OLIG2: variants seen among roughly 807,000 people sequenced by gnomAD.
OLIG2 encodes the protein oligodendrocyte transcription factor 2, also known as basic domain, helix-loop-helix protein, class B, 1.
OLIG2 carries 12 observed loss-of-function variants against 13.4 expected under a neutral mutation model. The ratio of observed to expected loss-of-function variants is 0.90; its 90% CI spans 0.58 to 1.46. OLIG2 has a LOEUF of 1.46. OLIG2 is among the 40% of genes most tolerant of loss of function. The pLI is 0.00. For missense variants in OLIG2, 415 were observed against 487.9 expected (o/e 0.85, Z 1.41); for synonymous variants, 250 against 233.6 (o/e 1.07, Z -0.64).
At position 33,028,011 on chromosome 21, in the gene OLIG2, A is replaced by G. The variant is rs1981170278; in HGVS notation, c.*177A>G. 4 of 627,458 alleles carry G rather than the reference A, an allele frequency of 6.4e-6. No homozygotes were observed. The highest frequency in any genetic ancestry group is 8.7e-5 in the Admixed American group (2 of 23,056). 38.9% of individuals were successfully genotyped at this position (627,458 alleles called of 1,614,324 possible). A position where few individuals can be genotyped will look rare whatever the true frequency, so the allele number is the denominator to read the frequency against. ...GAACCCAAGCAATGGGGGCGCCCAC[A>G]GAGCAGTGGGGAGTGAGGGGATGTT... On this transcript the variant is annotated 3_prime_UTR_variant, in exon 2 of 2. Transcript: ENST00000382357.
chr21:33,027,046 G>A lies in OLIG2; in HGVS notation c.184G>A (p.Ala62Thr). Residue 62 changes from alanine to threonine, a missense_variant, in exon 2 of 2, where the codon GCG becomes ACG. Physicochemically the swap from Ala to Thr is moderately conservative, Grantham distance 58. Coordinates refer to ENST00000382357, the MANE Select transcript of OLIG2 (RefSeq NM_005806.4). ...SAELRGAMGS[A>T]GAHPGDKLGG... ...CGAGCTGCGCGGCGCTATGGGCTCT[G>A]CGGGCGCGCATCCTGGGGACAAGCT... The A allele has an allele frequency of 6.2e-7, 1 of 1,611,828 alleles. No homozygotes were observed. The highest frequency in any genetic ancestry group is 1.3e-5 in the African/African-American group (1 of 75,014).
chr21:33,026,908 G>C lies in OLIG2; in HGVS notation c.46G>C (p.Glu16Gln), dbSNP rs1981098448. 1 of 1,611,790 alleles carries C rather than the reference G, an allele frequency of 6.2e-7. No homozygotes were observed. Among genetic ancestry groups the C allele is most frequent in the Non-Finnish European group, 8.5e-7 (1 of 1,179,998 alleles). ...GGTGTCCAGCCGCCCGTCGTCGCCAGAGCCCGATGACCTTTTTCTGCCGGC... is the reference window on the plus strand; with the variant it reads ...GGTGTCCAGCCGCCCGTCGTCGCCACAGCCCGATGACCTTTTTCTGCCGGC... Reference protein sequence around the residue: ...SLVSSRPSSPEPDDLFLPARS... With the variant: ...SLVSSRPSSPQPDDLFLPARS... The change falls in exon 2 of 2, where the codon GAG (glutamate) becomes CAG (glutamine). Residue 16 changes from glutamate (E) to glutamine (Q), a missense_variant. Physicochemically the swap from Glu to Gln is conservative, Grantham distance 29. This residue lies in a region of OLIG2 where 122 missense variants were observed against 126.8 expected (regional missense o/e 0.96). Coordinates refer to ENST00000382357, the MANE Select transcript of OLIG2 (RefSeq NM_005806.4). The surrounding 1 kb of genome is among the most constrained non-coding windows in gnomAD (Gnocchi z 6.6).
At position 33,028,251 on chromosome 21, in the gene OLIG2, G is replaced by T. The variant is rs1601714042; in HGVS notation, c.*417G>T. ...GCAGCACTTCGGGGGGGGAGGGGGTGTTATGGGAGGGGGACACATTGGGGC... is the reference window on the plus strand; with the variant it reads ...GCAGCACTTCGGGGGGGGAGGGGGTTTTATGGGAGGGGGACACATTGGGGC... On this transcript the variant is annotated 3_prime_UTR_variant, in exon 2 of 2. Coordinates refer to ENST00000382357, the MANE Select transcript of OLIG2 (RefSeq NM_005806.4). 4.1e-6 allele frequency: 1 copy of T among 245,724 alleles called. No homozygotes were observed. Among genetic ancestry groups the T allele is most frequent in the African/African-American group, 2.2e-5 (1 of 45,550 alleles). The allele number at this position is 245,724 out of a possible 1,614,324, so 15.2% of individuals were successfully genotyped here.
chr21:33,028,345 C>T lies in OLIG2; in HGVS notation c.*511C>T. The T allele has an allele frequency of 4.1e-6, 1 of 243,850 alleles. No homozygotes were observed. 15.1% of individuals were successfully genotyped at this position (243,850 alleles called of 1,614,324 possible). On this transcript the variant is annotated 3_prime_UTR_variant, in exon 2 of 2. Coordinates refer to ENST00000382357, the MANE Select transcript of OLIG2 (RefSeq NM_005806.4). Reference sequence around the variant, plus strand: ...TAGCCGCACTGCAGAAGCAACAGCCCGACCGCGCCCTCCAGGGTCGTCCCT... The same window carrying T: ...TAGCCGCACTGCAGAAGCAACAGCCTGACCGCGCCCTCCAGGGTCGTCCCT...
Position 33,026,978 on chromosome 21 carries a change from T to C in OLIG2, c.116T>C (p.Val39Ala), listed in dbSNP as rs1176869298. ...GGCAGCGCCTTCACTGGGGGCACCG[T>C]GTCCTCGTCCACCCCGAGTGACTGC... ...SSGSAFTGGT[V>A]SSSTPSDCPP... The change falls in exon 2 of 2, where the codon GTG becomes GCG. Residue 39 changes from valine to alanine, a missense_variant. Physicochemically the swap from Val to Ala is moderately conservative, Grantham distance 64. Coordinates refer to ENST00000382357, the MANE Select transcript of OLIG2 (RefSeq NM_005806.4). This position sits in a 1 kb window ranked among gnomAD's most constrained non-coding sequence, Gnocchi z 6.6. 1 of 1,612,354 alleles carries C rather than the reference T, an allele frequency of 6.2e-7. No individual in the cohort carries two copies. Among genetic ancestry groups the C allele is most frequent in the Non-Finnish European group, 8.5e-7 (1 of 1,179,718 alleles).
Position 33,027,704 on chromosome 21 carries a change from C to T in OLIG2, c.842C>T (p.Ala281Val). Residue 281 changes from alanine to valine, a missense_variant, in exon 2 of 2, where the codon GCG (alanine) becomes GTG (valine). Coordinates refer to ENST00000382357, the MANE Select transcript of OLIG2 (RefSeq NM_005806.4). ...PLGGGGGGSG[A>V]SGGFQHWGGM... ...GGGGGCGGGGGCGGCGGCAGTGGGG[C>T]GAGCGGGGGCTTCCAGCACTGGGGC... The T allele has an allele frequency of 2.2e-6, 3 of 1,366,812 alleles. No individual in the cohort carries two copies. Among genetic ancestry groups the T allele is most frequent in the Non-Finnish European group, 2.8e-6 (3 of 1,068,646 alleles). 84.7% of individuals were successfully genotyped at this position (1,366,812 alleles called of 1,614,324 possible).
Position 33,027,968 on chromosome 21 carries a change from G to A in OLIG2, c.*134G>A. ...CCATGGACTGGGGGTGGGGCATGGTGGGGATTCCAGCATCTGCGAACCCAA... is the reference window on the plus strand; with the variant it reads ...CCATGGACTGGGGGTGGGGCATGGTAGGGATTCCAGCATCTGCGAACCCAA... On this transcript the variant is annotated 3_prime_UTR_variant, in exon 2 of 2. Coordinates refer to ENST00000382357, the MANE Select transcript of OLIG2 (RefSeq NM_005806.4). 2 of 1,026,862 alleles carry A rather than the reference G, an allele frequency of 1.9e-6. No individual in the cohort carries two copies. Among genetic ancestry groups the A allele is most frequent in the Middle Eastern group, 3.4e-4 (1 of 2,946 alleles). The allele number at this position is 1,026,862 out of a possible 1,614,324, so 63.6% of individuals were successfully genotyped here.
Position 33,028,702 on chromosome 21 carries a change from C to T in OLIG2, c.*868C>T, listed in dbSNP as rs962224462. 9 of 241,178 alleles carry T rather than the reference C, an allele frequency of 3.7e-5. No individual in the cohort carries two copies. Among genetic ancestry groups the T allele is most frequent in the African/African-American group, 2.0e-4 (9 of 44,924 alleles). The allele number at this position is 241,178 out of a possible 1,614,324, so 14.9% of individuals were successfully genotyped here. On this transcript the variant is annotated 3_prime_UTR_variant, in exon 2 of 2. Transcript: ENST00000382357. ...ACCGACTCATCTTTCCTTCTCTAAG[C>T]ACAAAGTGATTTGGTTATTTTGGTA...
rs1981063159 is a variant in OLIG2 at position 33,026,115 on chromosome 21, A to G, written c.-63+89A>G. 1.3e-5 allele frequency: 2 copies of G among 152,396 alleles called. No homozygotes were observed. Among genetic ancestry groups the G allele is most frequent in the Non-Finnish European group, 2.9e-5 (2 of 68,220 alleles). 9.4% of individuals were successfully genotyped at this position (152,396 alleles called of 1,614,324 possible). ...GCTGTGACCCAGAATGCTCCGATAC[A>G]GGGGGTCTGGATCCCTACTCTGCGG... On this transcript the variant is annotated intron_variant, in intron 1 of 1. Coordinates refer to ENST00000382357, the MANE Select transcript of OLIG2 (RefSeq NM_005806.4). This position sits in a 1 kb window ranked among gnomAD's most constrained non-coding sequence, Gnocchi z 6.6.
In OLIG2 at chr21:33,026,701, G is replaced by GCAGGCGGGAGCAGCTTTTCTGTCTCT; in HGVS notation, c.-62-97_-62-72dup. ...GGACCCCGCGCTGTGGTACTGCGGT[G>GCAGGCGGGAGCAGCTTTTCTGTCTCT]CAGGCGGGAGCAGCTTTTCTGTCTC... On this transcript the variant is annotated intron_variant, in intron 1 of 1. Transcript: ENST00000382357. This position sits in a 1 kb window ranked among gnomAD's most constrained non-coding sequence, Gnocchi z 6.6. The GCAGGCGGGAGCAGCTTTTCTGTCTCT allele has an allele frequency of 1.1e-6, 1 of 890,524 alleles. No homozygotes were observed. Among genetic ancestry groups the GCAGGCGGGAGCAGCTTTTCTGTCTCT allele is most frequent in the Non-Finnish European group, 1.7e-6 (1 of 599,680 alleles). 55.2% of individuals were successfully genotyped at this position (890,524 alleles called of 1,614,324 possible). A position where few individuals can be genotyped will look rare whatever the true frequency, so the allele number is the denominator to read the frequency against.
At position 33,026,787 on chromosome 21, in the gene OLIG2, T is replaced by C; in HGVS notation, c.-62-14T>C. The C allele has an allele frequency of 6.5e-7, 1 of 1,532,270 alleles. No homozygotes were observed. Among genetic ancestry groups the C allele is most frequent in the Non-Finnish European group, 8.8e-7 (1 of 1,131,128 alleles). The allele number at this position is 1,532,270 out of a possible 1,614,324, so 94.9% of individuals were successfully genotyped here. A position where few individuals can be genotyped will look rare whatever the true frequency, so the allele number is the denominator to read the frequency against. On this transcript the variant is annotated splice_polypyrimidine_tract_variant and intron_variant, in intron 1 of 1. Coordinates refer to ENST00000382357, the MANE Select transcript of OLIG2 (RefSeq NM_005806.4). This position sits in a 1 kb window ranked among gnomAD's most constrained non-coding sequence, Gnocchi z 6.6. ...CTCTCTCATTCTCTCTCTTTTCTCC[T>C]CCTCTCCTGGAAGTTTTCGGGTCCG...
rs966205996 is a variant in OLIG2, at chr21:33,027,768, G to T, written c.906G>T (p.Pro302=). 3.5e-6 allele frequency: 5 copies of T among 1,417,976 alleles called. No homozygotes were observed. The Middle Eastern group carries it at 7.5e-4, about 213-fold the overall frequency. 87.8% of individuals were successfully genotyped at this position (1,417,976 alleles called of 1,614,324 possible). ...PCPCSMCQVP[P]PHHHVSAMGA... Reference sequence around the variant, plus strand: ...CCTGCAGCATGTGCCAGGTGCCGCCGCCGCACCACCACGTGTCGGCTATGG... The same window carrying T: ...CCTGCAGCATGTGCCAGGTGCCGCCTCCGCACCACCACGTGTCGGCTATGG... The change falls in exon 2 of 2, where the codon CCG becomes CCT. Residue 302 remains proline, a synonymous_variant. Coordinates refer to ENST00000382357, the MANE Select transcript of OLIG2 (RefSeq NM_005806.4).
Position 33,027,769 on chromosome 21 carries a change from C to G in OLIG2, c.907C>G (p.Pro303Ala). 3 of 1,420,078 alleles carry G rather than the reference C, an allele frequency of 2.1e-6. No homozygotes were observed. Among genetic ancestry groups the G allele is most frequent in the Non-Finnish European group, 2.7e-6 (3 of 1,092,698 alleles). The allele number at this position is 1,420,078 out of a possible 1,614,324, so 88.0% of individuals were successfully genotyped here. ...CTGCAGCATGTGCCAGGTGCCGCCG[C>G]CGCACCACCACGTGTCGGCTATGGG... Reference protein sequence around the residue: ...CPCSMCQVPPPHHHVSAMGAG... With the variant: ...CPCSMCQVPPAHHHVSAMGAG... The change falls in exon 2 of 2, where the codon CCG (proline) becomes GCG (alanine). Residue 303 changes from proline to alanine, a missense_variant. Transcript: ENST00000382357.
At position 33,026,861 on chromosome 21, in the gene OLIG2, C is replaced by A; in HGVS notation, c.-2C>A. On this transcript the variant is annotated 5_prime_UTR_variant, in exon 2 of 2. Coordinates refer to ENST00000382357, the MANE Select transcript of OLIG2 (RefSeq NM_005806.4). This position sits in a 1 kb window ranked among gnomAD's most constrained non-coding sequence, Gnocchi z 6.6. ...CTGCGACGACTATCTTCCCCTGGGG[C>A]CATGGACTCGGACGCCAGCCTGGTG... The A allele has an allele frequency of 6.2e-7, 1 of 1,608,842 alleles. No individual in the cohort carries two copies.
At position 33,027,434 on chromosome 21, in the gene OLIG2, G is replaced by T. The variant is rs1381086517; in HGVS notation, c.572G>T (p.Gly191Val). The change falls in exon 2 of 2, where the codon GGC becomes GTC. Residue 191 changes from glycine (G) to valine (V), a missense_variant. Physicochemically the swap from Gly to Val is moderately radical, Grantham distance 109 (BLOSUM62 -3). Around this residue, in one of 3 missense-constraint regions of OLIG2, gnomAD observed 243 missense variants for 241.2 expected, o/e 1.01. Coordinates refer to ENST00000382357, the MANE Select transcript of OLIG2 (RefSeq NM_005806.4). ...HAGFHPSACG[G>V]LAHSAPLPAA... ...GGCTTCCACCCGTCGGCCTGCGGCG[G>T]CCTGGCGCACTCCGCGCCCCTGCCC... 6.5e-7 allele frequency: 1 copy of T among 1,537,594 alleles called. No individual in the cohort carries two copies.
Position 33,027,052 on chromosome 21 carries a change from G to A in OLIG2, c.190G>A (p.Ala64Thr). 6 of 1,611,798 alleles carry A rather than the reference G, an allele frequency of 3.7e-6. No homozygotes were observed. Among genetic ancestry groups the A allele is most frequent in the Non-Finnish European group, 5.1e-6 (6 of 1,179,054 alleles). The stretch of plus-strand genomic sequence containing the variant: ...GCGCGGCGCTATGGGCTCTGCGGGC[G>A]CGCATCCTGGGGACAAGCTAGGAGG... ...ELRGAMGSAG[A>T]HPGDKLGGSG... Residue 64 changes from alanine (A) to threonine (T), a missense_variant, in exon 2 of 2, where the codon GCG becomes ACG. Coordinates refer to ENST00000382357, the MANE Select transcript of OLIG2 (RefSeq NM_005806.4).
chr21:33,027,395 G>C lies in OLIG2; in HGVS notation c.533G>C (p.Gly178Ala). 1 of 1,548,306 alleles carries C rather than the reference G, an allele frequency of 6.5e-7. No homozygotes were observed. Among genetic ancestry groups the C allele is most frequent in the African/African-American group, 1.4e-5 (1 of 73,150 alleles). ...EMKRLVSEIY[G>A]GHHAGFHPSA... ...AAGCGACTGGTGAGCGAGATCTACGGGGGCCACCACGCTGGCTTCCACCCG... is the reference window on the plus strand; with the variant it reads ...AAGCGACTGGTGAGCGAGATCTACGCGGGCCACCACGCTGGCTTCCACCCG... Residue 178 changes from glycine (G) to alanine (A), a missense_variant, in exon 2 of 2, where the codon GGG becomes GCG. Coordinates refer to ENST00000382357, the MANE Select transcript of OLIG2 (RefSeq NM_005806.4).
rs1981078262 is a variant in OLIG2, at chr21:33,026,556, C to T, written c.-62-245C>T. ...GGGTCACCAACGCTCCCTGAAATAA[C>T]CTGTTGCATGAGAGCAGAGGGGAGA... On this transcript the variant is annotated intron_variant, in intron 1 of 1. Transcript: ENST00000382357. This position sits in a 1 kb window ranked among gnomAD's most constrained non-coding sequence, Gnocchi z 6.6. 5.0e-6 allele frequency: 2 copies of T among 396,676 alleles called. No homozygotes were observed. Among genetic ancestry groups the T allele is most frequent in the East Asian group, 4.6e-5 (1 of 21,652 alleles). 24.6% of individuals were successfully genotyped at this position (396,676 alleles called of 1,614,324 possible). A position where few individuals can be genotyped will look rare whatever the true frequency, so the allele number is the denominator to read the frequency against.
Position 33,026,902 on chromosome 21 carries a change from T to C in OLIG2, c.40T>C (p.Ser14Pro). 1 of 1,611,446 alleles carries C rather than the reference T, an allele frequency of 6.2e-7. No homozygotes were observed. The highest frequency in any genetic ancestry group is 1.3e-5 in the African/African-American group (1 of 75,020). Residue 14 changes from serine to proline, a missense_variant, in exon 2 of 2, where the codon TCG becomes CCG. Coordinates refer to ENST00000382357, the MANE Select transcript of OLIG2 (RefSeq NM_005806.4). The surrounding 1 kb of genome is among the most constrained non-coding windows in gnomAD (Gnocchi z 6.6). ...DASLVSSRPSSPEPDDLFLPA... is the reference protein window; with the variant it reads ...DASLVSSRPSPPEPDDLFLPA... ...CAGCCTGGTGTCCAGCCGCCCGTCG[T>C]CGCCAGAGCCCGATGACCTTTTTCT...
Sources: gnomAD v4.1 joint callset for allele counts on GRCh38, gnomAD v4.1.1 for gene constraint, gnomAD v4.1.1 regional missense constraint, Gnocchi (gnomAD v3.1) non-coding constraint, MANE v1.5 for transcripts, NCBI Gene and HGNC (gene_info 2026-07-23, HGNC 2026-07-21) for gene names.